BMP6: variants seen among roughly 807,000 people sequenced by gnomAD.
The protein encoded by BMP6 is VG-1-R.
A neutral mutation model predicts 54.1 loss-of-function variants in BMP6; 17 were observed. That is an observed-to-expected ratio of 0.31 (90% CI 0.22 to 0.47). The LOEUF is 0.47. Ranked by LOEUF, BMP6 falls within the 20% of genes least tolerant of loss-of-function variation. The probability of loss-of-function intolerance (pLI) is 1.00; values close to 1 mark genes in which losing one functional copy is unlikely to be tolerated. For synonymous variants in BMP6, 328 were observed against 291.2 expected, an observed-to-expected ratio of 1.13 and a Z score of -1.28; for missense variants, 720 against 690.4, an observed-to-expected ratio of 1.04 and a Z score of -0.48.
chr6:7,879,811 C>T (rs549515804), intron 5 of BMP6, among the ~76,000 whole-genome samples, 180 bp from the exon 6 acceptor site: 4 of 152,304 alleles, frequency 2.6e-5, no homozygotes, highest in African/African-American at 9.6e-5. Context: ...GTCAGATGGA[C>T]CAGGTTCACT....
intron 1 of BMP6, among the ~76,000 whole-genome samples, chr6:7,840,646 G>A (rs1758954134): frequency 6.6e-6 from 1 of 151,998 alleles, no homozygotes; most frequent in Non-Finnish European, 1.5e-5. Flanking sequence ...ATTTTATTTA[G>A]TATTAAAAAG....
intron 2 of BMP6, among the ~76,000 whole-genome samples, chr6:7,854,468 A>G (rs1429063784): frequency 1.3e-5 from 2 of 152,212 alleles, no homozygotes; most frequent in Non-Finnish European, 2.9e-5. Flanking sequence ...GGTGATGAGA[A>G]CTAAAACATG....
chr6:7,880,173 T>TC, intron 6 of BMP6, 21 bp from the exon 7 acceptor site: 1 of 1,614,110 alleles, frequency 6.2e-7, no homozygotes, highest in Non-Finnish European at 8.5e-7. Context: ...AGGTACCTTC[T>TC]CCCCTTCTGT....
At chr6:7,812,725 A>T (rs1758452899) in intron 1 of BMP6, among the ~76,000 whole-genome samples, 1 of 152,178 alleles carries the variant, frequency 6.6e-6, no homozygotes, top group African/African-American at 2.4e-5. Flanking sequence ...AAATATGTAG[A>T]ACACATGAAA....
chr6:7,789,956 C>T (rs373647842), intron 1 of BMP6, among the ~76,000 whole-genome samples: 8 of 151,998 alleles, frequency 5.3e-5, no homozygotes, highest in African/African-American at 2.4e-5. Context: ...ACCAACTCAG[C>T]CTGATATAAC....
rs989606566 is a variant in BMP6, at chr6:7,814,879, A to C, written c.665-30261A>C. Among the ~76,000 whole-genome samples the C allele has an allele frequency of 2.6e-5, 4 of 152,278 alleles. No individual in the cohort carries two copies. The South Asian group carries it at 8.3e-4, about 32-fold the overall frequency. ...AATACCTAATGCATGCAGGGCTTAA[A>C]ACCTAGGTGACAGGTTGGTAGGTGC... On this transcript the variant is annotated intron_variant, in intron 1 of 6. Coordinates refer to ENST00000283147, the MANE Select transcript of BMP6 (RefSeq NM_001718.6).
intron 1 of BMP6, among the ~76,000 whole-genome samples, chr6:7,754,997 C>T (rs1035549322): frequency 1.8e-4 from 27 of 152,196 alleles, no homozygotes; most frequent in Non-Finnish European, 2.6e-4. Context: ...GGATTACAGG[C>T]GTGAGCCACC....
chr6:7,877,269 C>T (rs1255280594), intron 4 of BMP6, among the ~76,000 whole-genome samples: 1 of 152,062 alleles, frequency 6.6e-6, no homozygotes, highest in East Asian at 1.9e-4. Context: ...AAAAAGTTGC[C>T]CCATCTCTTC....
chr6:7,791,974 A>G (rs1371737706), intron 1 of BMP6, among the ~76,000 whole-genome samples: 1 of 151,892 alleles, frequency 6.6e-6, no homozygotes, highest in African/African-American at 2.4e-5. Flanking sequence ...TCAGTCAGAG[A>G]AACAGGACCA....
chr6:7,831,173 A>T (rs1758787781), intron 1 of BMP6, among the ~76,000 whole-genome samples: 1 of 152,210 alleles, frequency 6.6e-6, no homozygotes, highest in Admixed American at 6.5e-5. Flanking sequence ...CACCTTGAAA[A>T]CATGATGCTA....
At chr6:7,821,823 C>T (rs1758615529) in intron 1 of BMP6, among the ~76,000 whole-genome samples, 1 of 152,212 alleles carries the variant, frequency 6.6e-6, no homozygotes, top group Non-Finnish European at 1.5e-5. Flanking sequence ...ACATTCTCCA[C>T]TGTCTAAGAC....
chr6:7,813,477 A>G (rs1446427336), intron 1 of BMP6, among the ~76,000 whole-genome samples: 51 of 146,460 alleles, frequency 3.5e-4, no homozygotes, highest in African/African-American at 1.1e-3. Flanking sequence ...AAAAAAAAAA[A>G]AAAACTATTT....
At chr6:7,849,419 T>C (rs563004988) in intron 2 of BMP6, among the ~76,000 whole-genome samples, 1 of 152,338 alleles carries the variant, frequency 6.6e-6, no homozygotes, top group South Asian at 2.1e-4. Flanking sequence ...TTTACTTCTT[T>C]ACTATTTTTT....
chr6:7,782,717 G>A (rs1757965029), intron 1 of BMP6, among the ~76,000 whole-genome samples: 1 of 151,914 alleles, frequency 6.6e-6, no homozygotes, highest in Non-Finnish European at 1.5e-5. Flanking sequence ...AAAGAAAAAA[G>A]AGAAAGAAAA....
rs187231055 is a variant in BMP6 at position 7,768,018 on chromosome 6, G to A, written c.664+40399G>A. Among the ~76,000 whole-genome samples the A allele has an allele frequency of 7.2e-5, 11 of 152,024 alleles. No individual in the cohort carries two copies. The East Asian group carries it at 1.6e-3, about 21-fold the overall frequency. On this transcript the variant is annotated intron_variant, in intron 1 of 6. Transcript: ENST00000283147. The stretch of plus-strand genomic sequence containing the variant: ...GTGGGTCTCAGGTTTTTTTCTCCCC[G>A]CTTGGGTGGGACAGGATGGCTGGAG...
intron 1 of BMP6, among the ~76,000 whole-genome samples, chr6:7,727,932 T>TG (rs2113097111): frequency 6.6e-6 from 1 of 150,896 alleles, no homozygotes; most frequent in South Asian, 2.1e-4. Context: ...TTCCGCGCTT[T>TG]TTTTCACTTC....
At chr6:7,742,130 G>T (rs1306598215) in intron 1 of BMP6, among the ~76,000 whole-genome samples, 1 of 152,210 alleles carries the variant, frequency 6.6e-6, no homozygotes, top group Non-Finnish European at 1.5e-5. Context: ...ATTAAGTTCT[G>T]TATGTGGCAG....
chr6:7,795,474 G>A (rs1306949126), intron 1 of BMP6, among the ~76,000 whole-genome samples: 1 of 152,186 alleles, frequency 6.6e-6, no homozygotes, highest in Non-Finnish European at 1.5e-5. Flanking sequence ...CAAGGCAGAG[G>A]GATGTGGCTG....
intron 1 of BMP6, among the ~76,000 whole-genome samples, chr6:7,816,118 A>G (rs1758522201): frequency 6.6e-6 from 1 of 152,218 alleles, no homozygotes; most frequent in South Asian, 2.1e-4. Flanking sequence ...TAGGTTGCAA[A>G]GCCATCAGTT....
Sources: allele counts gnomAD v4.1 joint callset (sites outside exome capture counted in the v4.1 genomes callset), GRCh38; gene constraint gnomAD v4.1.1; transcripts MANE v1.5; gene names NCBI Gene and HGNC (gene_info 2026-07-23, HGNC 2026-07-21).